Variants in DMP1 observed in about 807,000 individuals in gnomAD.
DMP1 encodes the protein dentin matrix protein 1.
A neutral mutation model predicts 14.6 loss-of-function variants in DMP1; 20 were observed. The ratio of observed to expected loss-of-function variants is 1.37; its 90% confidence interval spans 0.96 to 1.99. The LOEUF (loss-of-function observed/expected upper bound fraction) is 1.99, where lower values mean the gene tolerates loss of function less well. Ranked by LOEUF, DMP1 falls within the 30% of genes most tolerant of loss-of-function variation. The pLI, the probability that DMP1 is intolerant of heterozygous loss-of-function variation, is 0.00. For missense variants in DMP1, 567 were observed against 620.5 expected, an observed-to-expected ratio of 0.91 and a Z score of 0.92; for synonymous variants, 197 against 215.3, an observed-to-expected ratio of 0.91 and a Z score of 0.75.
At chr4:87,654,519 T>G (rs1047813929) in intron 1 of DMP1, among the ~76,000 whole-genome samples, 1 of 152,150 alleles carries the variant, frequency 6.6e-6, no homozygotes, top group Non-Finnish European at 1.5e-5. Flanking sequence ...AAATTGAGGA[T>G]GCACCTGGGA....
At chr4:87,653,409 A>AT (rs1405517088) in intron 1 of DMP1, among the ~76,000 whole-genome samples, 1 of 113,638 alleles carries the variant, frequency 8.8e-6, no homozygotes, top group Non-Finnish European at 1.8e-5. Flanking sequence ...ATATATATAT[A>AT]TATATATATA....
chr4:87,655,017 T>C (rs1728645842), intron 1 of DMP1, among the ~76,000 whole-genome samples: 1 of 152,198 alleles, frequency 6.6e-6, no homozygotes. Flanking sequence ...CTTGTAGCTA[T>C]CTTTTTAAGA....
At chr4:87,656,615 A>G in intron 2 of DMP1, 69 bp downstream of exon 2, 3 of 978,506 alleles carry the variant, frequency 3.1e-6, no homozygotes, top group East Asian at 2.4e-5. Context: ...TTGATTGGCT[A>G]TGAACCAAGA....
At chr4:87,658,489 C>G (rs766376315) in intron 3 of DMP1, among the ~76,000 whole-genome samples, 1 of 152,152 alleles carries the variant, frequency 6.6e-6, no homozygotes, top group Non-Finnish European at 1.5e-5. Context: ...AATACCAGGG[C>G]TTTTACATGA....
At chr4:87,661,500 G>A (rs542894455) in intron 5 of DMP1, among the ~76,000 whole-genome samples, 2 of 152,006 alleles carry the variant, frequency 1.3e-5, no homozygotes, top group East Asian at 3.9e-4. Context: ...GGGATTACAG[G>A]CGTGAGCCAC....
rs2110017671 is a variant in DMP1 at position 87,663,147 on chromosome 4, C to G, written c.1369C>G (p.Gln457Glu). The G allele has an allele frequency of 1.9e-6, 3 of 1,614,152 alleles. No homozygotes were observed. Among genetic ancestry groups the G allele is most frequent in the Non-Finnish European group, 2.5e-6 (3 of 1,180,042 alleles). The part of the protein sequence containing the change: ...SHSEEDDSDS[Q>E]DSSRSKEDSN... ...TTCTGAGGAAGACGACAGTGACTCTCAAGACAGCAGCAGATCCAAAGAAGA... is the reference window on the plus strand; with the variant it reads ...TTCTGAGGAAGACGACAGTGACTCTGAAGACAGCAGCAGATCCAAAGAAGA... Residue 457 changes from glutamine to glutamate, a missense_variant, in exon 6 of 6, where the codon CAA becomes GAA. Transcript: ENST00000339673.
rs752003985 is a variant in DMP1, at chr4:87,662,926, C to T, written c.1148C>T (p.Ser383Phe). 17 of 1,614,034 alleles carry T rather than the reference C, an allele frequency of 1.1e-5. No homozygotes were observed. The highest frequency in any genetic ancestry group is 1.4e-5 in the Non-Finnish European group (17 of 1,180,036). Residue 383 changes from serine to phenylalanine, a missense_variant, in exon 6 of 6, where the codon TCC becomes TTC. Transcript: ENST00000339673. ...SYVEDQEDSDSSEEDSSHTLS... is the reference protein window; with the variant it reads ...SYVEDQEDSDFSEEDSSHTLS... ...GTAGAAGACCAGGAAGACAGTGACT[C>T]CAGCGAGGAGGACAGCTCGCACACA... is the stretch of plus-strand genomic sequence containing the variant.
At chr4:87,659,675 T>G (rs929840535) in intron 5 of DMP1, among the ~76,000 whole-genome samples, 197 bp downstream of exon 5, 15 of 152,234 alleles carry the variant, frequency 9.9e-5, no homozygotes. Flanking sequence ...CATCTTATTT[T>G]CATCACTGAG....
chr4:87,660,361 T>A (rs1296669619), intron 5 of DMP1, among the ~76,000 whole-genome samples: 2 of 152,074 alleles, frequency 1.3e-5, no homozygotes, highest in African/African-American at 2.4e-5. Flanking sequence ...TGAGAAAGGG[T>A]AATGAGGTAT....
rs372799088 is a variant in DMP1 at position 87,656,566 on chromosome 4, T to G, written c.54+20T>G. ...CTCCCAGTAAGTATTAGGGTAGGGA[T>G]ATATGAAAAAACCCTTTCATACTTA... On this transcript the variant is annotated intron_variant, in intron 2 of 5. Transcript: ENST00000339673. The G allele has an allele frequency of 3.2e-6, 5 of 1,563,450 alleles. No individual in the cohort carries two copies. The highest frequency in any genetic ancestry group is 4.4e-6 in the Non-Finnish European group (5 of 1,134,084).
intron 1 of DMP1, among the ~76,000 whole-genome samples, chr4:87,654,750 G>A (rs1011822974): frequency 6.6e-6 from 1 of 152,326 alleles, no homozygotes; most frequent in East Asian, 1.9e-4. Context: ...TTATGCATTT[G>A]TCTCATGCTC....
intron 1 of DMP1, among the ~76,000 whole-genome samples, chr4:87,653,419 A>ATATATATATATATTATATATATATC (rs1728587371): frequency 9.0e-6 from 1 of 111,118 alleles, no homozygotes; most frequent in Admixed American, 9.0e-5. Flanking sequence ...ATATATATAT[A>ATATATATATATATTATATATATATC]TATATATATA....
In DMP1 at chr4:87,662,412, G is replaced by C; in HGVS notation, c.634G>C (p.Asp212His). 10 of 1,614,180 alleles carry C rather than the reference G, an allele frequency of 6.2e-6. No individual in the cohort carries two copies. Among genetic ancestry groups the C allele is most frequent in the Non-Finnish European group, 8.5e-6 (10 of 1,180,036 alleles). ...CCATGGAGACGGCTCCGAGTTGGAC[G>C]ATGAGGGAATGCAGAGTGATGACCC... ...SSHGDGSELD[D>H]EGMQSDDPES... Residue 212 changes from aspartate (D) to histidine (H), a missense_variant, in exon 6 of 6, where the codon GAT becomes CAT. Asp to His is a moderately conservative substitution (Grantham distance 81, BLOSUM62 -1). Transcript: ENST00000339673.
At chr4:87,660,983 A>G (rs1307787925) in intron 5 of DMP1, among the ~76,000 whole-genome samples, 2 of 152,234 alleles carry the variant, frequency 1.3e-5, no homozygotes, top group Non-Finnish European at 1.5e-5. Context: ...ACTTTAATGC[A>G]TGAGCATTAT....
rs140719182 is a variant in DMP1, at chr4:87,662,127, G to T, written c.349G>T (p.Asp117Tyr). Residue 117 changes from aspartate (D) to tyrosine (Y), a missense_variant, in exon 6 of 6, where the codon GAT (aspartate) becomes TAT (tyrosine). By Grantham distance (160) the Asp-to-Tyr change is radical. Coordinates refer to ENST00000339673, the MANE Select transcript of DMP1 (RefSeq NM_004407.4). ...CAGTGGAGATGACACCTTTGGTGAC[G>T]ATGACAGTGGCCCAGGGCCCAAAGA... ...DDSGDDTFGD[D>Y]DSGPGPKDRQ... 1.2e-6 allele frequency: 2 copies of T among 1,614,206 alleles called. No individual in the cohort carries two copies. Among genetic ancestry groups the T allele is most frequent in the Non-Finnish European group, 1.7e-6 (2 of 1,180,034 alleles).
At chr4:87,661,522 T>C (rs1417555819) in intron 5 of DMP1, among the ~76,000 whole-genome samples, 1 of 150,436 alleles carries the variant, frequency 6.6e-6, no homozygotes, top group African/African-American at 2.4e-5. Context: ...GCGCCCGGCC[T>C]GCTAATTTTT....
At chr4:87,655,893 C>T (rs180939120) in intron 1 of DMP1, among the ~76,000 whole-genome samples, 2 of 152,212 alleles carry the variant, frequency 1.3e-5, no homozygotes, top group African/African-American at 2.4e-5. Flanking sequence ...TATGTGTTAG[C>T]GTTTGTACAT....
At chr4:87,654,119 G>A (rs562434549) in intron 1 of DMP1, among the ~76,000 whole-genome samples, 7 of 152,266 alleles carry the variant, frequency 4.6e-5, no homozygotes, top group African/African-American at 1.4e-4. Flanking sequence ...TATGGGACAG[G>A]ACCTTCTCTG....
At chr4:87,660,385 G>A (rs1169729539) in intron 5 of DMP1, among the ~76,000 whole-genome samples, 1 of 152,182 alleles carries the variant, frequency 6.6e-6, no homozygotes, top group Non-Finnish European at 1.5e-5. Context: ...GATTCCTGCA[G>A]TTCCTGCTTG....
Sources: allele counts gnomAD v4.1 joint callset (sites outside exome capture counted in the v4.1 genomes callset), GRCh38; gene constraint gnomAD v4.1.1; transcripts MANE v1.5; gene names NCBI Gene and HGNC (gene_info 2026-07-23, HGNC 2026-07-21).